The following BAZ2B variants were observed in gnomAD, a reference collection of about 807,000 sequenced individuals.
The protein encoded by BAZ2B is bromodomain adjacent to zinc finger domain 2B, also known as bromodomain adjacent to zinc finger domain protein 2B.
In BAZ2B, 91 loss-of-function variants were observed where a neutral mutation model predicts 246.0. The observed-to-expected ratio is 0.37, with a 90% CI of 0.31 to 0.44. The LOEUF (loss-of-function observed/expected upper bound fraction) is 0.44. Ranked by LOEUF, BAZ2B falls within the 20% of genes least tolerant of loss-of-function variation. The pLI is 1.00. For synonymous variants in BAZ2B, 855 were observed against 860.0 expected (o/e 0.99, Z 0.10); for missense variants, 2,332 against 2,533.7 (o/e 0.92, Z 1.71).
At chr2:159,480,052 TAACTAATG>T (rs2079065195) in intron 2 of BAZ2B, among the ~76,000 whole-genome samples, 1 of 152,124 alleles carries the variant, frequency 6.6e-6, no homozygotes, top group African/African-American at 2.4e-5. Flanking sequence ...TCAGCAACAG[TAACTAATG>T]AACTCTGAGA....
chr2:159,389,553 A>G, intron 20 of BAZ2B, 68 bp from the exon 21 acceptor site: 1 of 1,308,406 alleles, frequency 7.6e-7, no homozygotes, highest in South Asian at 1.8e-5. Context: ...ACTTAGAATT[A>G]TGTAGCAACA....
Position 159,567,288 on chromosome 2 carries a change from G to A in BAZ2B, c.-45-11423C>T, listed in dbSNP as rs946143223. ...ACCCTGTAACCTTTGTTACTGGGGG[G>A]AACCTATAAATACATGGCTTTTAGT... On this transcript the variant is annotated intron_variant, in intron 1 of 36. Coordinates refer to ENST00000392783, the MANE Select transcript of BAZ2B (RefSeq NM_013450.4). Among the ~76,000 whole-genome samples the A allele has an allele frequency of 8.5e-5, 13 of 152,216 alleles. 1 individual carries two copies. In the Middle Eastern group the frequency reaches 0.01, roughly 119 times the overall value.
chr2:159,504,413 A>G (rs2082123988), intron 2 of BAZ2B, among the ~76,000 whole-genome samples: 1 of 152,140 alleles, frequency 6.6e-6, no homozygotes. Flanking sequence ...ACCCTAGTGC[A>G]CTTTAGCCTC....
At chr2:159,405,705 G>T (rs1227165972) in intron 14 of BAZ2B, among the ~76,000 whole-genome samples, 1 of 127,776 alleles carries the variant, frequency 7.8e-6, no homozygotes, top group Non-Finnish European at 1.8e-5. Context: ...CTTTATCAGA[G>T]AGGCTTATTT....
intron 1 of BAZ2B, among the ~76,000 whole-genome samples, chr2:159,597,970 C>A (rs1380310320): frequency 6.7e-6 from 1 of 149,164 alleles, no homozygotes; most frequent in Non-Finnish European, 1.5e-5. Flanking sequence ...CCCAGAGTGC[C>A]TCAATAAGAC....
At chr2:159,412,575 T>C (rs776668636) in intron 13 of BAZ2B, 30 bp from the exon 14 acceptor site, 9 of 1,557,934 alleles carry the variant, frequency 5.8e-6, no homozygotes, top group Non-Finnish European at 7.9e-6. Flanking sequence ...AGAAATAATA[T>C]ATTACAAACA....
At chr2:159,484,898 A>ATATC (rs1383969323) in intron 2 of BAZ2B, among the ~76,000 whole-genome samples, 3 of 152,220 alleles carry the variant, frequency 2.0e-5, no homozygotes, top group Non-Finnish European at 2.9e-5. Flanking sequence ...ATAGACTTAG[A>ATATC]TATTTTTCCT....
chr2:159,540,485 A>G (rs2086534778), intron 2 of BAZ2B, among the ~76,000 whole-genome samples: 1 of 152,242 alleles, frequency 6.6e-6, no homozygotes, highest in Admixed American at 6.5e-5. Context: ...AGCTGATTCT[A>G]GAATTCTTTT....
chr2:159,546,456 G>A (rs994380676), intron 2 of BAZ2B, among the ~76,000 whole-genome samples: 2 of 148,514 alleles, frequency 1.3e-5, no homozygotes, highest in Non-Finnish European at 3.0e-5. Context: ...CCAGTCTCGG[G>A]TAATCAGCAG....
the BAZ2B span, among the ~76,000 whole-genome samples, chr2:159,650,372 T>C: frequency 6.6e-6 from 1 of 152,114 alleles, no homozygotes; most frequent in Non-Finnish European, 1.5e-5. Context: ...AGGTCTTGCT[T>C]TTAAGATATG....
At chr2:159,582,082 C>T (rs1228495571) in intron 1 of BAZ2B, among the ~76,000 whole-genome samples, 7 of 152,076 alleles carry the variant, frequency 4.6e-5, no homozygotes, top group Non-Finnish European at 1.0e-4. Flanking sequence ...AATGCTTACA[C>T]ATCACTGTAT....
intron 2 of BAZ2B, among the ~76,000 whole-genome samples, chr2:159,505,789 A>G (rs1361214555): frequency 6.6e-6 from 1 of 152,232 alleles, no homozygotes; most frequent in Non-Finnish European, 1.5e-5. Context: ...AAATAAAAGG[A>G]GAACAATTCA....
intron 1 of BAZ2B, among the ~76,000 whole-genome samples, chr2:159,574,173 A>C (rs1307805918): frequency 6.7e-6 from 1 of 149,982 alleles, no homozygotes; most frequent in South Asian, 2.1e-4. Flanking sequence ...ACACACACAC[A>C]GCACAATTTT....
At chr2:159,338,942 T>A (rs538648122) in intron 31 of BAZ2B, among the ~76,000 whole-genome samples, 2 of 152,190 alleles carry the variant, frequency 1.3e-5, no homozygotes, top group South Asian at 4.1e-4. Flanking sequence ...CTCCCTATTA[T>A]ATGACAAGCT....
At chr2:159,473,323 T>C (rs1422007812) in intron 3 of BAZ2B, among the ~76,000 whole-genome samples, 4 of 152,236 alleles carry the variant, frequency 2.6e-5, no homozygotes, top group Admixed American at 2.0e-4. Flanking sequence ...CAGGAATTTA[T>C]CCATTTCTTT....
chr2:159,373,289 A>C, intron 26 of BAZ2B, 100 bp from the exon 27 acceptor site: 1 of 1,096,242 alleles, frequency 9.1e-7, no homozygotes, highest in Non-Finnish European at 1.2e-6. Flanking sequence ...TAAGCACATA[A>C]ATTTCACTAC....
the BAZ2B span, among the ~76,000 whole-genome samples, chr2:159,709,868 A>C: frequency 6.6e-6 from 1 of 152,256 alleles, no homozygotes; most frequent in Non-Finnish European, 1.5e-5. Flanking sequence ...TATAAAATAA[A>C]AGGGGGAAAA....
At chr2:159,429,323 T>C in intron 10 of BAZ2B, 63 bp from the exon 11 acceptor site, 2 of 980,310 alleles carry the variant, frequency 2.0e-6, no homozygotes, top group East Asian at 5.5e-5. Flanking sequence ...ATATTGATAG[T>C]TTAGAAACTT....
At chr2:159,483,804 A>G (rs2079520798) in intron 2 of BAZ2B, among the ~76,000 whole-genome samples, 1 of 152,040 alleles carries the variant, frequency 6.6e-6, no homozygotes, top group South Asian at 2.1e-4. Flanking sequence ...ACCAAAACAA[A>G]ACAAAACAAA....
Sources: allele counts gnomAD v4.1 joint callset (sites outside exome capture counted in the v4.1 genomes callset), GRCh38; gene constraint gnomAD v4.1.1; transcripts MANE v1.5; gene names NCBI Gene and HGNC (gene_info 2026-07-23, HGNC 2026-07-21).